Variants in ASTN2 observed in about 807,000 individuals in gnomAD.
ASTN2 encodes astrotactin-2.
Under a neutral mutation model 139.8 loss-of-function variants are expected in ASTN2, and 54 were observed. That is an observed-to-expected ratio of 0.39 (90% CI 0.31 to 0.48). The LOEUF is 0.48. ASTN2 is among the 20% of genes least tolerant of loss of function. The pLI is 0.95. For missense variants in ASTN2, 1,565 were observed against 1,725.1 expected (o/e 0.91, Z 1.64); for synonymous variants, 756 against 719.5 (o/e 1.05, Z -0.81).
chr9:116,940,182 A>G (rs1335668225), intron 10 of ASTN2, among the ~76,000 whole-genome samples: 1 of 152,224 alleles, frequency 6.6e-6, no homozygotes, highest in Non-Finnish European at 1.5e-5. Context: ...CCTGGCCTCA[A>G]GTGAGCCTCT....
chr9:116,921,127 C>G (rs1270504732), intron 10 of ASTN2, among the ~76,000 whole-genome samples: 5 of 152,028 alleles, frequency 3.3e-5, no homozygotes, highest in Non-Finnish European at 5.9e-5. Flanking sequence ...GGAGCAGGAC[C>G]ATGAGAGAGA....
chr9:116,841,091 A>G (rs1832235873), intron 11 of ASTN2, among the ~76,000 whole-genome samples: 1 of 152,220 alleles, frequency 6.6e-6, no homozygotes, highest in East Asian at 1.9e-4. Context: ...GGCACCATTG[A>G]GCACTGAATG....
At chr9:117,271,857 A>G (rs1834073523) in intron 2 of ASTN2, among the ~76,000 whole-genome samples, 1 of 152,172 alleles carries the variant, frequency 6.6e-6, no homozygotes, top group African/African-American at 2.4e-5. Flanking sequence ...TTTGCAGGGT[A>G]TATCCTCCCT....
rs146242291 is a variant in ASTN2, at chr9:116,780,185, G to A, written c.2396+25447C>T. ...CAGCCAAGAGGACAAAGAAGCAAAC[G>A]GTAGAATACCAAATTCTGTGTGGCC... is the stretch of plus-strand genomic sequence containing the variant. On this transcript the variant is annotated intron_variant, in intron 13 of 22. Coordinates refer to ENST00000313400, the MANE Select transcript of ASTN2 (RefSeq NM_001365068.1). Among the ~76,000 whole-genome samples the A allele has an allele frequency of 1.6e-3, 251 of 152,266 alleles. 3 individuals carry two copies. Among genetic ancestry groups the A allele is most frequent in the Non-Finnish European group, 1.9e-3 (131 of 68,016 alleles).
At chr9:116,705,061 AAAGT>A (rs1387645017) in intron 16 of ASTN2, among the ~76,000 whole-genome samples, 1 of 152,196 alleles carries the variant, frequency 6.6e-6, no homozygotes, top group Non-Finnish European at 1.5e-5. Context: ...TATAAAAATA[AAAGT>A]AAGCCACAAA....
At chr9:117,377,150 C>T (rs904067345) in intron 1 of ASTN2, among the ~76,000 whole-genome samples, 4 of 152,106 alleles carry the variant, frequency 2.6e-5, no homozygotes, top group African/African-American at 9.7e-5. Flanking sequence ...CTTTTGAACT[C>T]CTCGGGATTT....
intron 13 of ASTN2, among the ~76,000 whole-genome samples, chr9:116,751,463 T>C (rs758131962): frequency 5.9e-5 from 9 of 152,310 alleles, no homozygotes; most frequent in Non-Finnish European, 1.2e-4. Flanking sequence ...TGTTGCTGAA[T>C]TGTTGTGGAA....
chr9:116,543,900 G>A (rs533856959), intron 19 of ASTN2: 48 of 152,306 alleles, frequency 3.2e-4, no homozygotes, highest in African/African-American at 1.1e-3. Flanking sequence ...AAACACTGAT[G>A]AGAACGTGAA....
At chr9:117,186,479 A>G (rs373184871) in intron 3 of ASTN2, among the ~76,000 whole-genome samples, 46 of 152,256 alleles carry the variant, frequency 3.0e-4, no homozygotes, top group East Asian at 9.7e-4. Flanking sequence ...CCTGGGAGGC[A>G]GAGCTTGCTG....
intron 16 of ASTN2, among the ~76,000 whole-genome samples, chr9:116,658,809 A>G (rs1858388053): frequency 6.8e-6 from 1 of 147,724 alleles, no homozygotes. Flanking sequence ...AAGAAAGAGC[A>G]TGAAGGCCAA....
intron 11 of ASTN2, among the ~76,000 whole-genome samples, chr9:116,831,943 C>T (rs577664019): frequency 1.1e-3 from 171 of 152,138 alleles, no homozygotes; most frequent in African/African-American, 3.9e-3. Flanking sequence ...ATTTCTTTCA[C>T]GAGTATTTTA....
At chr9:116,572,422 T>C (rs962501125) in intron 19 of ASTN2, among the ~76,000 whole-genome samples, 2 of 152,220 alleles carry the variant, frequency 1.3e-5, no homozygotes, top group Non-Finnish European at 2.9e-5. Context: ...CCCTGAGACT[T>C]CCAGCCTTCT....
At chr9:116,753,593 T>C (rs1829457012) in intron 13 of ASTN2, among the ~76,000 whole-genome samples, 1 of 152,128 alleles carries the variant, frequency 6.6e-6, no homozygotes, top group African/African-American at 2.4e-5. Flanking sequence ...GAGGAGAAAC[T>C]GAAAGGAAAA....
intron 10 of ASTN2, among the ~76,000 whole-genome samples, chr9:116,910,023 A>G (rs553189263): frequency 6.6e-6 from 1 of 152,302 alleles, no homozygotes; most frequent in East Asian, 1.9e-4. Context: ...TCTCTGGACC[A>G]AAATAGGCAT....
chr9:117,205,716 A>G (rs1017788782), intron 3 of ASTN2, among the ~76,000 whole-genome samples: 1 of 152,188 alleles, frequency 6.6e-6, no homozygotes, highest in African/African-American at 2.4e-5. Flanking sequence ...CAAACTAAAA[A>G]ATAAGGCTTT....
Position 116,725,920 on chromosome 9 carries a change from T to G in ASTN2, c.2657A>C (p.Lys886Thr). The G allele has an allele frequency of 1.2e-6, 2 of 1,613,742 alleles. No individual in the cohort carries two copies. Among genetic ancestry groups the G allele is most frequent in the Non-Finnish European group, 1.7e-6 (2 of 1,179,912 alleles). Residue 886 changes from lysine to threonine, a missense_variant, in exon 16 of 23, where the codon AAG becomes ACG. Transcript: ENST00000313400. ...GFTNVLKILT[K>T]ESSREELLSF... ...CAGCAGCTCCTCCCGACTGCTCTCC[T>G]TGGTCAGGATCTTGAGAACATTAGT... is the stretch of plus-strand genomic sequence containing the variant.
chr9:116,607,186 G>T (rs1179621117), intron 19 of ASTN2, among the ~76,000 whole-genome samples: 1 of 152,178 alleles, frequency 6.6e-6, no homozygotes, highest in African/African-American at 2.4e-5. Flanking sequence ...TGCTCAAGGA[G>T]TTAATGCAGA....
chr9:117,085,448 A>T (rs912644963), intron 5 of ASTN2, among the ~76,000 whole-genome samples: 1 of 152,200 alleles, frequency 6.6e-6, no homozygotes, highest in Non-Finnish European at 1.5e-5. Flanking sequence ...CATCACTCAC[A>T]GCAGAGTTGG....
chr9:116,674,829 C>G (rs1450405567), intron 16 of ASTN2, among the ~76,000 whole-genome samples: 1 of 152,174 alleles, frequency 6.6e-6, no homozygotes, highest in African/African-American at 2.4e-5. Flanking sequence ...GACCAATCAG[C>G]ACTCCTGGCT....
Sources: gnomAD v4.1 joint callset for allele counts (sites outside exome capture counted in the v4.1 genomes callset) on GRCh38, gnomAD v4.1.1 for gene constraint, MANE v1.5 for transcripts, NCBI Gene and HGNC (gene_info 2026-07-23, HGNC 2026-07-21) for gene names.